FHOD3: variants seen among roughly 807,000 people sequenced by gnomAD.
FHOD3 encodes the protein FH1/FH2 domain-containing protein 3.
Under a neutral mutation model 173.0 loss-of-function variants are expected in FHOD3, and 90 were observed. That is an observed-to-expected ratio of 0.52 (90% CI 0.44 to 0.62). FHOD3 has a LOEUF of 0.62. Ranked by LOEUF, FHOD3 falls within the 20% of genes least tolerant of loss-of-function variation. The probability of loss-of-function intolerance (pLI) is 0.00; values close to 1 mark genes in which losing one functional copy is unlikely to be tolerated. For missense variants in FHOD3, 1,945 were observed against 2,034.7 expected, an observed-to-expected ratio of 0.96 and a Z score of 0.85; for synonymous variants, 828 against 823.0, an observed-to-expected ratio of 1.01 and a Z score of -0.10.
At chr18:36,486,354 C>T (rs2045299505) in intron 3 of FHOD3, among the ~76,000 whole-genome samples, 1 of 152,204 alleles carries the variant, frequency 6.6e-6, no homozygotes, top group Non-Finnish European at 1.5e-5. Context: ...GCTTTATATT[C>T]ATAGGATGTT....
chr18:36,546,360 G>A (rs892648332), intron 5 of FHOD3, among the ~76,000 whole-genome samples: 1 of 152,024 alleles, frequency 6.6e-6, no homozygotes, highest in Admixed American at 6.6e-5. Context: ...CCTTACATGT[G>A]TACTTTAGAG....
intron 3 of FHOD3, among the ~76,000 whole-genome samples, chr18:36,426,560 T>C (rs1356441683): frequency 6.6e-6 from 1 of 151,916 alleles, no homozygotes; most frequent in Non-Finnish European, 1.5e-5. Flanking sequence ...TGTGGTGGGC[T>C]CCCCCTCCAT....
intron 1 of FHOD3, among the ~76,000 whole-genome samples, chr18:36,305,384 G>T (rs1450434282): frequency 1.3e-5 from 2 of 152,286 alleles, no homozygotes; most frequent in East Asian, 3.9e-4. Context: ...TAAACAACTT[G>T]CAGTTCAATA....
At chr18:36,589,742 T>TG (rs2059149559) in intron 6 of FHOD3, among the ~76,000 whole-genome samples, 1 of 152,186 alleles carries the variant, frequency 6.6e-6, no homozygotes, top group East Asian at 1.9e-4. Context: ...TCCACCAGCT[T>TG]GGTTGTCTTG....
intron 5 of FHOD3, among the ~76,000 whole-genome samples, chr18:36,566,685 G>A (rs1270797246): frequency 6.6e-6 from 1 of 152,158 alleles, no homozygotes; most frequent in Non-Finnish European, 1.5e-5. Context: ...GCCAGGACCC[G>A]CAGTTGCTAT....
At chr18:36,459,205 A>G (rs1160037051) in intron 3 of FHOD3, among the ~76,000 whole-genome samples, 2 of 152,238 alleles carry the variant, frequency 1.3e-5, no homozygotes, top group Non-Finnish European at 2.9e-5. Flanking sequence ...CATAAGAAAA[A>G]AGACATCCTG....
intron 3 of FHOD3, among the ~76,000 whole-genome samples, chr18:36,391,476 C>T (rs1383035168): frequency 3.9e-5 from 6 of 152,042 alleles, no homozygotes; most frequent in Non-Finnish European, 8.8e-5. Flanking sequence ...GGGGATATAC[C>T]ATAGCCAGTG....
chr18:36,586,016 A>C (rs187046432), intron 6 of FHOD3, among the ~76,000 whole-genome samples: 1 of 151,818 alleles, frequency 6.6e-6, no homozygotes, highest in East Asian at 1.9e-4. Context: ...TTCTCCCCCT[A>C]CTCCAAAGAG....
At chr18:36,394,034 C>T (rs9946081) in intron 3 of FHOD3, among the ~76,000 whole-genome samples, 6,646 of 152,096 alleles carry the variant, frequency 0.044, 485 homozygotes, top group African/African-American at 0.15. Flanking sequence ...CACAGATGAG[C>T]GTGAGCAGAA....
chr18:36,621,378 A>C (rs140439956), intron 9 of FHOD3, among the ~76,000 whole-genome samples: 2 of 152,216 alleles, frequency 1.3e-5, no homozygotes, highest in Non-Finnish European at 2.9e-5. Flanking sequence ...GTGGTGTAAA[A>C]CAACAATCCC....
At chr18:36,410,376 T>C (rs1291627652) in intron 3 of FHOD3, among the ~76,000 whole-genome samples, 1 of 152,248 alleles carries the variant, frequency 6.6e-6, no homozygotes, top group Non-Finnish European at 1.5e-5. Context: ...ATTGTATGGA[T>C]ACACTACATG....
chr18:36,685,137 A>G (rs1427342848), intron 15 of FHOD3, among the ~76,000 whole-genome samples: 1 of 152,200 alleles, frequency 6.6e-6, no homozygotes, highest in Non-Finnish European at 1.5e-5. Context: ...TATGTTATTC[A>G]TATGTATATG....
At position 36,592,089 on chromosome 18, in the gene FHOD3, C is replaced by T. The variant is rs527941134; in HGVS notation, c.607-2698C>T. ...CAAAAATCAGCCAGGCATGGTGGTG[C>T]GCACCTGTAGTCCCAGCTATTCAGG... On this transcript the variant is annotated intron_variant, in intron 6 of 28. Transcript: ENST00000590592. Among the ~76,000 whole-genome samples, 32 of 152,190 alleles carry T rather than the reference C, an allele frequency of 2.1e-4. 1 individual carries two copies. The highest frequency in any genetic ancestry group is 1.4e-3 in the Admixed American group (22 of 15,296).
At chr18:36,739,368 T>A (rs1026425216) in intron 20 of FHOD3, among the ~76,000 whole-genome samples, 7 of 152,254 alleles carry the variant, frequency 4.6e-5, no homozygotes, top group Admixed American at 3.3e-4. Context: ...GAAGGAGCAG[T>A]ACTGTTCAAT....
chr18:36,313,533 A>G (rs2092303349), intron 1 of FHOD3, among the ~76,000 whole-genome samples: 2 of 152,154 alleles, frequency 1.3e-5, no homozygotes, highest in African/African-American at 2.4e-5. Flanking sequence ...TTTCGTGTGT[A>G]GCCTTTTGAG....
rs532148604 is a variant in FHOD3, at chr18:36,415,227, G to A, written c.337+42483G>A. ...AAGGTGAGTCCACTGCCAGAATTCT[G>A]TGGTTAGTGCTAATTCACTTTTCAC... On this transcript the variant is annotated intron_variant, in intron 3 of 28. Coordinates refer to ENST00000590592, the MANE Select transcript of FHOD3 (RefSeq NM_001281740.3). Among the ~76,000 whole-genome samples the A allele has an allele frequency of 3.3e-5, 5 of 152,330 alleles. No individual in the cohort carries two copies. The South Asian group carries it at 8.3e-4, about 25-fold the overall frequency.
intron 28 of FHOD3, among the ~76,000 whole-genome samples, chr18:36,772,842 G>C (rs2043449528): frequency 6.6e-6 from 1 of 152,210 alleles, no homozygotes; most frequent in South Asian, 2.1e-4. Context: ...TGCCCACCCT[G>C]CCCCAGATTC....
At chr18:36,463,438 A>AATAAT (rs2052698978) in intron 3 of FHOD3, among the ~76,000 whole-genome samples, 1 of 980 alleles carries the variant, frequency 1.0e-3, no homozygotes, top group South Asian at 0.12. Context: ...TTATTTAAAA[A>AATAAT]ATATATTTTT....
At chr18:36,340,154 A>G (rs1481348160) in intron 1 of FHOD3, among the ~76,000 whole-genome samples, 1 of 152,244 alleles carries the variant, frequency 6.6e-6, no homozygotes, top group Non-Finnish European at 1.5e-5. Context: ...TAACATATTA[A>G]AAGTCCTTGA....
Sources: allele counts gnomAD v4.1 joint callset (sites outside exome capture counted in the v4.1 genomes callset), GRCh38; gene constraint gnomAD v4.1.1; transcripts MANE v1.5; gene names NCBI Gene and HGNC (gene_info 2026-07-23, HGNC 2026-07-21).